RIPOR3: variants seen among roughly 807,000 people sequenced by gnomAD.
RIPOR3 encodes the protein RIPOR family member 3, also known as family with sequence similarity 65 member C.
In RIPOR3, 95 loss-of-function variants were observed where a neutral mutation model predicts 114.3. That is an observed-to-expected ratio of 0.83 (90% confidence interval 0.70 to 0.99). The LOEUF (loss-of-function observed/expected upper bound fraction) is 0.99, where lower values mean the gene tolerates loss of function less well. Among genes scored for constraint, RIPOR3 ranks in the 50% least tolerant of loss-of-function variants. The pLI, the probability that RIPOR3 is intolerant of heterozygous loss-of-function variation, is 0.00. For synonymous variants in RIPOR3, 575 were observed against 543.8 expected, an observed-to-expected ratio of 1.06 and a Z score of -0.80; for missense variants, 1,252 against 1,266.9, an observed-to-expected ratio of 0.99 and a Z score of 0.18.
intron 17 of RIPOR3, among the ~76,000 whole-genome samples, chr20:50,593,600 G>A (rs555753468): frequency 9.2e-5 from 14 of 152,022 alleles, no homozygotes; most frequent in Admixed American, 6.5e-5. Context: ...CTGATGGCAC[G>A]AGGGCAGGTG....
At position 50,686,201 on chromosome 20, in the gene RIPOR3, C is replaced by T. The variant is rs1600782722; in HGVS notation, c.3+4925G>A. Among the ~76,000 whole-genome samples the T allele has an allele frequency of 3.3e-5, 5 of 151,832 alleles. No homozygotes were observed. In the Middle Eastern group the frequency reaches 0.01, roughly 312 times the overall value. On this transcript the variant is annotated intron_variant, in intron 1 of 21. Coordinates refer to ENST00000327979, the MANE Select transcript of RIPOR3 (RefSeq NM_001290268.2). ...CCTCCCGAGTGGCTGGGATTACAGGCGCCCACCACCATGCCCAGCTAATTT... is the reference window on the plus strand; with the variant it reads ...CCTCCCGAGTGGCTGGGATTACAGGTGCCCACCACCATGCCCAGCTAATTT...
chr20:50,676,042 A>C lies in RIPOR3; in HGVS notation c.3+15084T>G, dbSNP rs577337119. ...GTGAGGGAGAGACACAAATACAGGC[A>C]AAACCACACAACAGCGAAGATTCCA... On this transcript the variant is annotated intron_variant, in intron 1 of 21. Transcript: ENST00000327979. Among the ~76,000 whole-genome samples the C allele has an allele frequency of 1.4e-3, 212 of 152,354 alleles. 1 individual carries two copies. Among genetic ancestry groups the C allele is most frequent in the Non-Finnish European group, 2.0e-3 (136 of 68,030 alleles).
intron 13 of RIPOR3, among the ~76,000 whole-genome samples, chr20:50,599,911 T>G (rs2083436995): frequency 6.6e-6 from 1 of 152,004 alleles, no homozygotes; most frequent in South Asian, 2.1e-4. Flanking sequence ...CACTTTTTTT[T>G]CTTTTGAGAG....
chr20:50,587,900 A>G lies in RIPOR3; in HGVS notation c.2662-8T>C. Reference sequence around the variant, plus strand: ...GTCGATGCTTTCAATGCCCTGTTCGAGATTAGGAGAAAAAGAACCCTTTAG... The same window carrying G: ...GTCGATGCTTTCAATGCCCTGTTCGGGATTAGGAGAAAAAGAACCCTTTAG... On this transcript the variant is annotated splice_region_variant and splice_polypyrimidine_tract_variant and intron_variant, in intron 20 of 21. Coordinates refer to ENST00000327979, the MANE Select transcript of RIPOR3 (RefSeq NM_001290268.2). 1 of 1,613,854 alleles carries G rather than the reference A, an allele frequency of 6.2e-7. No homozygotes were observed. Among genetic ancestry groups the G allele is most frequent in the South Asian group, 1.1e-5 (1 of 91,074 alleles).
intron 3 of RIPOR3, among the ~76,000 whole-genome samples, chr20:50,618,266 G>A (rs1298670610): frequency 1.1e-4 from 10 of 87,156 alleles, no homozygotes; most frequent in Admixed American, 6.3e-4. Context: ...GTGAGACTCC[G>A]TCTCAAAAAA....
intron 1 of RIPOR3, among the ~76,000 whole-genome samples, chr20:50,650,397 G>C (rs143301388): frequency 6.6e-6 from 1 of 152,044 alleles, no homozygotes; most frequent in Non-Finnish European, 1.5e-5. Flanking sequence ...CCACCTCCCG[G>C]GCTCAAACAA....
intron 1 of RIPOR3, among the ~76,000 whole-genome samples, chr20:50,675,743 A>G (rs186142074): frequency 7.2e-4 from 109 of 152,332 alleles, no homozygotes; most frequent in African/African-American, 2.5e-3. Context: ...CAACTTCCCA[A>G]TATGAATGCT....
chr20:50,614,548 C>T (rs1041830114), intron 4 of RIPOR3: 3 of 170,062 alleles, frequency 1.8e-5, no homozygotes, highest in Non-Finnish European at 4.4e-5. Context: ...AAGGCAGCAG[C>T]GGAGAGACTT....
At chr20:50,627,543 C>T (rs1197525119) in intron 2 of RIPOR3, among the ~76,000 whole-genome samples, 3 of 149,058 alleles carry the variant, frequency 2.0e-5, no homozygotes, top group East Asian at 2.0e-4. Flanking sequence ...ATTAGCCGGG[C>T]GTGGTGGCAC....
intron 1 of RIPOR3, among the ~76,000 whole-genome samples, chr20:50,649,122 C>A (rs75609895): frequency 0.021 from 3,176 of 152,252 alleles, 119 homozygotes; most frequent in African/African-American, 0.073. Context: ...GTCTTCACAG[C>A]TCTTCCTCTT....
rs920342685 is a variant in RIPOR3 at position 50,608,951 on chromosome 20, C to G, written c.645G>C (p.Leu215Phe). 3.2e-6 allele frequency: 5 copies of G among 1,581,056 alleles called. No individual in the cohort carries two copies. The highest frequency in any genetic ancestry group is 4.3e-6 in the Non-Finnish European group (5 of 1,164,118). Residue 215 changes from leucine (L) to phenylalanine (F), a missense_variant, in exon 9 of 22, where the codon TTG becomes TTC. Coordinates refer to ENST00000327979, the MANE Select transcript of RIPOR3 (RefSeq NM_001290268.2). Reference sequence around the variant, plus strand: ...CGGGACAGAGGCGTGCGTAGCCCACCAAGCCTGGAACACAGACATGGCCGG... The same window carrying G: ...CGGGACAGAGGCGTGCGTAGCCCACGAAGCCTGGAACACAGACATGGCCGG... Reference protein sequence around the residue: ...LGEFHIRMKGLVGYARLCPGD... With the variant: ...LGEFHIRMKGFVGYARLCPGD...
chr20:50,645,166 T>C (rs987531315), intron 1 of RIPOR3, among the ~76,000 whole-genome samples: 1 of 152,072 alleles, frequency 6.6e-6, no homozygotes, highest in African/African-American at 2.4e-5. Context: ...TACAGTAGTT[T>C]ACAAAAAAAT....
At chr20:50,634,727 T>C (rs1219756611) in intron 1 of RIPOR3, among the ~76,000 whole-genome samples, 2 of 152,190 alleles carry the variant, frequency 1.3e-5, no homozygotes, top group Admixed American at 1.3e-4. Flanking sequence ...GGACAAATGT[T>C]TTCTGTAAAA....
intron 1 of RIPOR3, among the ~76,000 whole-genome samples, chr20:50,664,958 C>G (rs1007596398): frequency 6.6e-6 from 1 of 151,752 alleles, no homozygotes; most frequent in African/African-American, 2.4e-5. Context: ...AAAAATTAGC[C>G]AGGCATGGTG....
At chr20:50,621,343 A>G (rs1301183410) in intron 2 of RIPOR3, among the ~76,000 whole-genome samples, 1 of 151,936 alleles carries the variant, frequency 6.6e-6, no homozygotes, top group Non-Finnish European at 1.5e-5. Context: ...TAGTAGTAGC[A>G]CCTCAATTTT....
At chr20:50,591,661 C>T (rs1277456959) in intron 19 of RIPOR3, among the ~76,000 whole-genome samples, 1 of 152,156 alleles carries the variant, frequency 6.6e-6, no homozygotes, top group Admixed American at 6.5e-5. Context: ...CAGGGTGTGG[C>T]GCCTTAAACG....
intron 1 of RIPOR3, among the ~76,000 whole-genome samples, chr20:50,686,092 G>C (rs1226025486): frequency 6.6e-6 from 1 of 152,020 alleles, no homozygotes; most frequent in Non-Finnish European, 1.5e-5. Context: ...GTCTCGCTCT[G>C]TTGCCCCAGG....
At chr20:50,671,832 G>GT (rs1255784204) in intron 1 of RIPOR3, among the ~76,000 whole-genome samples, 1 of 151,578 alleles carries the variant, frequency 6.6e-6, no homozygotes, top group East Asian at 1.9e-4. Context: ...GGATGGATGA[G>GT]TGGGTAGATG....
chr20:50,662,197 G>T (rs1340397121), intron 1 of RIPOR3: 1 of 152,256 alleles, frequency 6.6e-6, no homozygotes, highest in East Asian at 1.9e-4. Context: ...TTTATCCAGG[G>T]CAGGACCCTC....
Sources: allele counts gnomAD v4.1 joint callset (sites outside exome capture counted in the v4.1 genomes callset), GRCh38; gene constraint gnomAD v4.1.1; transcripts MANE v1.5; gene names NCBI Gene and HGNC (gene_info 2026-07-23, HGNC 2026-07-21).